CCDC85A: variants seen among roughly 807,000 people sequenced by gnomAD.
CCDC85A encodes coiled-coil domain containing 85A.
CCDC85A carries 38 observed loss-of-function variants against 50.2 expected under a neutral mutation model. The observed-to-expected ratio is 0.76, with a 90% confidence interval of 0.58 to 0.99. The LOEUF is 0.99. Ranked by LOEUF, CCDC85A falls within the 50% of genes least tolerant of loss-of-function variation. The pLI is 0.00. For synonymous variants in CCDC85A, 366 were observed against 301.4 expected (o/e 1.21, Z -2.22); for missense variants, 820 against 742.0 (o/e 1.11, Z -1.22).
chr2:56,384,069 TC>T (rs1676715615), intron 5 of CCDC85A, among the ~76,000 whole-genome samples, 196 bp from the exon 6 acceptor site: 1 of 151,842 alleles, frequency 6.6e-6, no homozygotes. Flanking sequence ...GGTTTAGTAG[TC>T]CCTACTACTA....
intron 3 of CCDC85A, among the ~76,000 whole-genome samples, chr2:56,344,544 T>C (rs901373505): frequency 6.6e-6 from 1 of 152,230 alleles, no homozygotes; most frequent in Non-Finnish European, 1.5e-5. Context: ...TACTTCTATC[T>C]CTTCTCAAAC....
At chr2:56,241,947 T>C (rs1441714612) in intron 2 of CCDC85A, among the ~76,000 whole-genome samples, 1 of 152,186 alleles carries the variant, frequency 6.6e-6, no homozygotes, top group Non-Finnish European at 1.5e-5. Flanking sequence ...TTCCCACCAA[T>C]AGTATACAAG....
intron 2 of CCDC85A, among the ~76,000 whole-genome samples, chr2:56,211,343 A>G (rs1400910220): frequency 3.9e-5 from 6 of 152,010 alleles, no homozygotes; most frequent in Admixed American, 2.0e-4. Context: ...GCAGAAATAT[A>G]TTCTCCTATT....
intron 2 of CCDC85A, among the ~76,000 whole-genome samples, chr2:56,280,631 A>G (rs1160353055): frequency 1.3e-5 from 2 of 152,188 alleles, no homozygotes; most frequent in South Asian, 2.1e-4. Flanking sequence ...AACTAATACG[A>G]CAAATCCTTA....
chr2:56,375,734 A>C, intron 4 of CCDC85A, 82 bp from the exon 5 acceptor site: 1 of 1,390,486 alleles, frequency 7.2e-7, no homozygotes, highest in East Asian at 2.4e-5. Flanking sequence ...CTCATTTGGT[A>C]GTGAAATTGA....
At chr2:56,236,982 A>G (rs931057741) in intron 2 of CCDC85A, among the ~76,000 whole-genome samples, 1 of 152,148 alleles carries the variant, frequency 6.6e-6, no homozygotes, top group Non-Finnish European at 1.5e-5. Flanking sequence ...CAGCTTTTCT[A>G]TGAATTTCTT....
intron 2 of CCDC85A, among the ~76,000 whole-genome samples, chr2:56,208,404 T>C (rs1677040514): frequency 6.6e-6 from 1 of 152,156 alleles, no homozygotes; most frequent in South Asian, 2.1e-4. Context: ...TCAACCGACA[T>C]TGACTTTGGT....
intron 2 of CCDC85A, among the ~76,000 whole-genome samples, chr2:56,304,915 A>C (rs1411477849): frequency 6.7e-6 from 1 of 148,994 alleles, no homozygotes; most frequent in Non-Finnish European, 1.5e-5. Context: ...CAAAAAACAA[A>C]AAACAAACAA....
chr2:56,274,387 G>A (rs989845119), intron 2 of CCDC85A, among the ~76,000 whole-genome samples: 2 of 152,290 alleles, frequency 1.3e-5, no homozygotes, highest in African/African-American at 2.4e-5. Flanking sequence ...CTGGCTGGCA[G>A]GCCATACATT....
Position 56,193,163 on chromosome 2 carries a change from G to A in CCDC85A, c.963G>A (p.Arg321=), listed in dbSNP as rs1210572751. 1 of 1,612,248 alleles carries A rather than the reference G, an allele frequency of 6.2e-7. No homozygotes were observed. The highest frequency in any genetic ancestry group is 8.5e-7 in the Non-Finnish European group (1 of 1,178,916). The change falls in exon 2 of 6, where the codon CGG becomes CGA. Residue 321 remains arginine (R), a synonymous_variant. Coordinates refer to ENST00000407595, the MANE Select transcript of CCDC85A (RefSeq NM_001080433.2). ...SGSPEHFQKH[R]SGSSPEHARH... is the part of the protein sequence containing the mutation. The stretch of plus-strand genomic sequence containing the variant: ...GCCCGGAACACTTCCAGAAGCACCG[G>A]TCAGGGAGCAGCCCTGAACACGCCA...
intron 2 of CCDC85A, among the ~76,000 whole-genome samples, chr2:56,288,634 A>G (rs903695328): frequency 6.6e-6 from 1 of 152,092 alleles, no homozygotes; most frequent in East Asian, 1.9e-4. Context: ...ATTTTCCAAC[A>G]CACCGATAGA....
chr2:56,310,978 G>T (rs1364141159), intron 2 of CCDC85A, among the ~76,000 whole-genome samples: 3 of 152,098 alleles, frequency 2.0e-5, no homozygotes, highest in Non-Finnish European at 4.4e-5. Context: ...GTGACTTTTG[G>T]GGAGAAAATA....
intron 2 of CCDC85A, among the ~76,000 whole-genome samples, chr2:56,196,672 A>T (rs533205024): frequency 6.6e-6 from 1 of 152,272 alleles, no homozygotes; most frequent in African/African-American, 2.4e-5. Context: ...CAATAGCTGT[A>T]TTTGTTATTG....
chr2:56,304,499 T>C (rs1213437985), intron 2 of CCDC85A, among the ~76,000 whole-genome samples: 1 of 152,212 alleles, frequency 6.6e-6, no homozygotes, highest in Non-Finnish European at 1.5e-5. Flanking sequence ...TAAGTGACTT[T>C]ATTTGCATCT....
At chr2:56,367,744 T>C (rs1675872217) in intron 3 of CCDC85A, among the ~76,000 whole-genome samples, 1 of 152,014 alleles carries the variant, frequency 6.6e-6, no homozygotes, top group South Asian at 2.1e-4. Context: ...ATAATAAACA[T>C]TCGGACATAA....
chr2:56,256,319 G>T (rs1185706363), intron 2 of CCDC85A, among the ~76,000 whole-genome samples: 1 of 152,158 alleles, frequency 6.6e-6, no homozygotes, highest in East Asian at 1.9e-4. Context: ...CAGAGTCAAG[G>T]CACCTTTTAG....
chr2:56,336,143 T>G lies in CCDC85A; in HGVS notation c.1241-6736T>G, dbSNP rs377109593. Among the ~76,000 whole-genome samples the G allele has an allele frequency of 5.5e-4, 83 of 152,050 alleles. 2 individuals are homozygous for G. Among genetic ancestry groups the G allele is most frequent in the African/African-American group, 1.8e-3 (76 of 41,494 alleles). On this transcript the variant is annotated intron_variant, in intron 2 of 5. Coordinates refer to ENST00000407595, the MANE Select transcript of CCDC85A (RefSeq NM_001080433.2). ...TCCAGATAATTTTCCTCATATACACTCTTTATTTATTTATTTATTTATTTT... is the reference window on the plus strand; with the variant it reads ...TCCAGATAATTTTCCTCATATACACGCTTTATTTATTTATTTATTTATTTT...
chr2:56,196,630 A>G (rs373510167), intron 2 of CCDC85A, among the ~76,000 whole-genome samples: 1 of 152,208 alleles, frequency 6.6e-6, no homozygotes, highest in Non-Finnish European at 1.5e-5. Flanking sequence ...AGCTCAGGTC[A>G]TGGATGTCTT....
chr2:56,376,373 T>C (rs916189183), intron 5 of CCDC85A, among the ~76,000 whole-genome samples: 4 of 152,172 alleles, frequency 2.6e-5, no homozygotes, highest in African/African-American at 4.8e-5. Context: ...TTAAATAAAA[T>C]ATTGAAATAA....
Sources: allele counts gnomAD v4.1 joint callset (sites outside exome capture counted in the v4.1 genomes callset), GRCh38; gene constraint gnomAD v4.1.1; transcripts MANE v1.5; gene names NCBI Gene and HGNC (gene_info 2026-07-23, HGNC 2026-07-21).